Variants in DBN1 observed in about 807,000 individuals in gnomAD.
DBN1 encodes drebrin.
Under a neutral mutation model 83.5 loss-of-function variants are expected in DBN1, and 21 were observed. That is an observed-to-expected ratio of 0.25 (90% confidence interval 0.18 to 0.36). The LOEUF is 0.36. DBN1 is among the 10% of genes least tolerant of loss of function. DBN1 has a pLI of 1.00. For synonymous variants in DBN1, 381 were observed against 384.9 expected, an observed-to-expected ratio of 0.99 and a Z score of 0.12; for missense variants, 874 against 935.7, an observed-to-expected ratio of 0.93 and a Z score of 0.86.
intron 1 of DBN1, chr5:177,472,897 G>A (rs960976668): frequency 4.0e-5 from 38 of 961,846 alleles, no homozygotes; most frequent in Non-Finnish European, 4.5e-5. Context: ...ACTCCGAGAG[G>A]CCCCCCGGTG....
At chr5:177,472,144 C>A in intron 1 of DBN1, 1 of 1,612,508 alleles carries the variant, frequency 6.2e-7, no homozygotes, top group East Asian at 2.2e-5. Flanking sequence ...GCTTGTCTCT[C>A]GCGTCCATCC....
Position 177,473,551 on chromosome 5 carries a change from G to C in DBN1, c.-30C>G. ...CGGGCCGGACCGGGCCGAACGGACA[G>C]ACGCGCGGACGGACGGGCGGACGGA... On this transcript the variant is annotated 5_prime_UTR_variant, in exon 1 of 15. Transcript: ENST00000393565. 7.7e-7 allele frequency: 1 copy of C among 1,301,458 alleles called. No individual in the cohort carries two copies. The highest frequency in any genetic ancestry group is 9.9e-7 in the Non-Finnish European group (1 of 1,010,396). 80.6% of individuals were successfully genotyped at this position (1,301,458 alleles called of 1,614,324 possible).
At chr5:177,468,311 T>C in intron 2 of DBN1, 91 bp from the exon 3 acceptor site, 1 of 1,134,046 alleles carries the variant, frequency 8.8e-7, no homozygotes, top group Non-Finnish European at 1.3e-6. Flanking sequence ...CCTCCAGGCC[T>C]CCACAGGCAC....
intron 14 of DBN1, 43 bp from the exon 15 acceptor site, chr5:177,457,546 C>T (rs778252279): frequency 2.5e-6 from 4 of 1,592,954 alleles, no homozygotes; most frequent in South Asian, 2.2e-5. Context: ...CCTAGCAGAC[C>T]GCTTGTGTCC....
chr5:177,457,869 G>A (rs762827992), intron 13 of DBN1, 112 bp from the exon 14 acceptor site: 6 of 825,086 alleles, frequency 7.3e-6, no homozygotes, highest in Admixed American at 4.8e-5. Context: ...GGTTGCCAGG[G>A]AAACAAGGAT....
At chr5:177,472,916 G>A in intron 1 of DBN1, 3 of 849,168 alleles carry the variant, frequency 3.5e-6, no homozygotes, top group South Asian at 1.1e-4. Flanking sequence ...TGGGCGGGGC[G>A]CCCGGCCCCC....
chr5:177,471,559 C>A (rs1305842890), intron 1 of DBN1, among the ~76,000 whole-genome samples: 1 of 152,090 alleles, frequency 6.6e-6, no homozygotes. Context: ...TCTGAGTCTT[C>A]AGACCTCACT....
rs566782588 is a variant in DBN1, at chr5:177,467,973, C to T, written c.255+135G>A. ...GCGACTGCTCTGGGCCTTCAGTTCC[C>T]TTCCCCAGCCCCGGCCGCATACCCA... On this transcript the variant is annotated intron_variant, in intron 3 of 14. Coordinates refer to ENST00000393565, the MANE Select transcript of DBN1 (RefSeq NM_001363541.2). The surrounding 1 kb of genome is among the most constrained non-coding windows in gnomAD (Gnocchi z 9.1). 1 of 1,221,848 alleles carries T rather than the reference C, an allele frequency of 8.2e-7. No individual in the cohort carries two copies. The highest frequency in any genetic ancestry group is 1.8e-5 in the Admixed American group (1 of 57,082). The allele number at this position is 1,221,848 out of a possible 1,614,324, so 75.7% of individuals were successfully genotyped here.
intron 8 of DBN1, among the ~76,000 whole-genome samples, chr5:177,464,936 T>G (rs556865690): frequency 2.0e-5 from 3 of 151,904 alleles, no homozygotes; most frequent in Non-Finnish European, 2.9e-5. Context: ...GGGCAGATCA[T>G]GAGGTCAGGA....
At chr5:177,468,276 G>T in intron 2 of DBN1, 56 bp from the exon 3 acceptor site, 1 of 1,515,422 alleles carries the variant, frequency 6.6e-7, no homozygotes, top group East Asian at 2.3e-5. Flanking sequence ...TTCCCAAAAA[G>T]AGCCTGGAAC....
In DBN1 at chr5:177,458,045, G is replaced by A; in HGVS notation, c.1914+13C>T. 1 of 1,613,656 alleles carries A rather than the reference G, an allele frequency of 6.2e-7. No individual in the cohort carries two copies. Among genetic ancestry groups the A allele is most frequent in the Non-Finnish European group, 8.5e-7 (1 of 1,179,980 alleles). On this transcript the variant is annotated intron_variant, in intron 13 of 14. Coordinates refer to ENST00000393565, the MANE Select transcript of DBN1 (RefSeq NM_001363541.2). ...TCCCTCCCATCCCTCCCACCAGGCAGTCCCTGCCGCACCTGGGTCCCCTCC... is the reference window on the plus strand; with the variant it reads ...TCCCTCCCATCCCTCCCACCAGGCAATCCCTGCCGCACCTGGGTCCCCTCC...
At chr5:177,461,129 C>T (rs1185737778) in intron 8 of DBN1, among the ~76,000 whole-genome samples, 3 of 115,176 alleles carry the variant, frequency 2.6e-5, no homozygotes, top group African/African-American at 1.0e-4. Flanking sequence ...GACGGAGTCT[C>T]GCTCTGTCGC....
intron 8 of DBN1, among the ~76,000 whole-genome samples, chr5:177,460,907 G>A (rs1236696378): frequency 6.6e-6 from 1 of 152,096 alleles, no homozygotes; most frequent in Non-Finnish European, 1.5e-5. Flanking sequence ...AGCCTCCCGA[G>A]TAGCTGGGAC....
intron 14 of DBN1, 70 bp downstream of exon 14, chr5:177,457,585 G>A: frequency 6.6e-7 from 1 of 1,522,126 alleles, no homozygotes. Flanking sequence ...GGGTAGTGGT[G>A]GGGTGGCTAC....
chr5:177,458,218 G>A lies in DBN1; in HGVS notation c.1754C>T (p.Pro585Leu), dbSNP rs764770518. The change falls in exon 13 of 15, where the codon CCG (proline) becomes CTG (leucine). Residue 585 changes from proline (P) to leucine (L), a missense_variant. Around this residue, in one of 4 missense-constraint regions of DBN1, gnomAD observed 725 missense variants for 719.7 expected, o/e 1.01. Transcript: ENST00000393565. ...TLLNFDELPE[P>L]PATFCDPEEV... ...CTCTGGGTCACAGAAGGTGGCTGGC[G>A]GCTCAGGCAGCTCATCAAAGTTGAG... The A allele has an allele frequency of 1.5e-5, 24 of 1,613,170 alleles. No individual in the cohort carries two copies. Among genetic ancestry groups the A allele is most frequent in the African/African-American group, 8.0e-5 (6 of 74,890 alleles).
Position 177,459,652 on chromosome 5 carries a change from A to T in DBN1, c.1044T>A (p.Phe348Leu), listed in dbSNP as rs1419488493. 1 of 1,585,664 alleles carries T rather than the reference A, an allele frequency of 6.3e-7. No homozygotes were observed. The highest frequency in any genetic ancestry group is 1.8e-5 in the Admixed American group (1 of 55,492). Residue 348 changes from phenylalanine (F) to leucine (L), a missense_variant, in exon 11 of 15, where the codon TTT (phenylalanine) becomes TTA (leucine). This residue lies in a region of DBN1 where 725 missense variants were observed against 719.7 expected (regional missense o/e 1.01). Coordinates refer to ENST00000393565, the MANE Select transcript of DBN1 (RefSeq NM_001363541.2). ...GGGTGCGGTGGCAGGTGATATAGGG[A>T]AAGGGAGTCCGTGGAGGGGAGGAGG... ...SSSSSPPRTP[F>L]PYITCHRTPN... is the part of the protein sequence containing the mutation.
chr5:177,465,932 A>AGG (rs1757415123), intron 8 of DBN1, among the ~76,000 whole-genome samples: 1 of 150,440 alleles, frequency 6.6e-6, no homozygotes. Context: ...CATGTTCTTT[A>AGG]TGTGGCAGGT....
At position 177,457,099 on chromosome 5, in the gene DBN1, G is replaced by A; in HGVS notation, c.*334C>T. ...CTCCCCCCACGCCAGGCCCCAAGCA[G>A]GGTGAGGCCTCCAACCCGGCCAGCT... is the stretch of plus-strand genomic sequence containing the variant. On this transcript the variant is annotated 3_prime_UTR_variant, in exon 15 of 15. Coordinates refer to ENST00000393565, the MANE Select transcript of DBN1 (RefSeq NM_001363541.2). 2.8e-6 allele frequency: 1 copy of A among 359,132 alleles called. No homozygotes were observed. The highest frequency in any genetic ancestry group is 5.3e-5 in the East Asian group (1 of 18,742). The allele number at this position is 359,132 out of a possible 1,614,324, so 22.2% of individuals were successfully genotyped here.
Position 177,466,810 on chromosome 5 carries a change from C to G in DBN1, c.733G>C (p.Glu245Gln), listed in dbSNP as rs1258114300. The G allele has an allele frequency of 6.2e-7, 1 of 1,614,170 alleles. No homozygotes were observed. The highest frequency in any genetic ancestry group is 8.5e-7 in the Non-Finnish European group (1 of 1,180,024). Residue 245 changes from glutamate (E) to glutamine (Q), a missense_variant, in exon 8 of 15, where the codon GAA becomes CAA. Transcript: ENST00000393565. The surrounding 1 kb of genome is among the most constrained non-coding windows in gnomAD (Gnocchi z 4.8). ...TCCTTCAACCGCCTCTTGGCCTCTTCCGCTTCTAAAGTCTGCTGTTTCCTC... is the reference window on the plus strand; with the variant it reads ...TCCTTCAACCGCCTCTTGGCCTCTTGCGCTTCTAAAGTCTGCTGTTTCCTC... ...HRRKQQTLEA[E>Q]EAKRRLKEQS...
Sources: gnomAD v4.1 joint callset for allele counts (sites outside exome capture counted in the v4.1 genomes callset) on GRCh38, gnomAD v4.1.1 for gene constraint, gnomAD v4.1.1 regional missense constraint, Gnocchi (gnomAD v3.1) non-coding constraint, MANE v1.5 for transcripts, NCBI Gene and HGNC (gene_info 2026-07-23, HGNC 2026-07-21) for gene names.